The following CDH13 variants were observed in gnomAD, a reference collection of about 807,000 sequenced individuals.
The protein encoded by CDH13 is cadherin-13.
Under a neutral mutation model 63.8 loss-of-function variants are expected in CDH13, and 24 were observed. The ratio of observed to expected loss-of-function variants is 0.38; its 90% CI spans 0.27 to 0.53. The LOEUF (loss-of-function observed/expected upper bound fraction) is 0.53. Ranked by LOEUF, CDH13 falls within the 20% of genes least tolerant of loss-of-function variation. CDH13 has a pLI of 0.85. For synonymous variants in CDH13, 503 were observed against 355.3 expected, an observed-to-expected ratio of 1.42 and a Z score of -4.67; for missense variants, 1,049 against 903.1, an observed-to-expected ratio of 1.16 and a Z score of -2.07.
At chr16:82,691,305 C>T (rs907729252) in intron 1 of CDH13, among the ~76,000 whole-genome samples, 1 of 152,166 alleles carries the variant, frequency 6.6e-6, no homozygotes, top group African/African-American at 2.4e-5. Context: ...CCAGCATCTT[C>T]CTGCTTTGGG....
intron 4 of CDH13, among the ~76,000 whole-genome samples, chr16:83,151,263 G>C (rs1293234666): frequency 6.6e-6 from 1 of 152,176 alleles, no homozygotes; most frequent in Non-Finnish European, 1.5e-5. Context: ...ACATGTGTGA[G>C]ACTAACTGCA....
chr16:83,773,574 T>A (rs1914903577), intron 11 of CDH13, among the ~76,000 whole-genome samples: 1 of 152,132 alleles, frequency 6.6e-6, no homozygotes, highest in Non-Finnish European at 1.5e-5. Context: ...CATGATCCAA[T>A]CATCTCCCTC....
At chr16:83,027,186 A>G (rs1372020597) in intron 2 of CDH13, among the ~76,000 whole-genome samples, 1 of 138,614 alleles carries the variant, frequency 7.2e-6, no homozygotes, top group African/African-American at 2.6e-5. Flanking sequence ...AGCAAAGTGG[A>G]ATTATTACTG....
chr16:82,842,653 G>A (rs1325874860), intron 1 of CDH13, among the ~76,000 whole-genome samples: 1 of 152,056 alleles, frequency 6.6e-6, no homozygotes, highest in Admixed American at 6.5e-5. Context: ...AGGGACATGG[G>A]GGAGGGGAGG....
intron 1 of CDH13, among the ~76,000 whole-genome samples, chr16:82,728,803 A>G (rs562103381): frequency 5.0e-4 from 76 of 152,298 alleles, no homozygotes; most frequent in Middle Eastern, 3.4e-3. Context: ...ATGCTGTTTG[A>G]TAGCATTTTA....
intron 8 of CDH13, among the ~76,000 whole-genome samples, chr16:83,666,729 T>C (rs1051476347): frequency 6.6e-6 from 1 of 152,154 alleles, no homozygotes; most frequent in Non-Finnish European, 1.5e-5. Context: ...TCTCACCCCC[T>C]TCACCTCTCT....
At chr16:83,279,310 T>C (rs2089089766) in intron 5 of CDH13, among the ~76,000 whole-genome samples, 1 of 152,174 alleles carries the variant, frequency 6.6e-6, no homozygotes, top group African/African-American at 2.4e-5. Context: ...GATTTGTTAG[T>C]AGAGATTTAC....
intron 2 of CDH13, among the ~76,000 whole-genome samples, chr16:83,014,351 T>A (rs927512909): frequency 3.4e-5 from 5 of 146,606 alleles, no homozygotes; most frequent in Admixed American, 6.8e-5. Flanking sequence ...AAACTTAGCA[T>A]CTAACTAAAT....
intron 6 of CDH13, among the ~76,000 whole-genome samples, chr16:83,368,769 T>C (rs929384308): frequency 6.6e-6 from 1 of 151,026 alleles, no homozygotes; most frequent in African/African-American, 2.4e-5. Flanking sequence ...ATATATGACA[T>C]TCGATTTTCC....
chr16:83,752,466 C>T (rs1913166289), intron 11 of CDH13, among the ~76,000 whole-genome samples: 1 of 152,166 alleles, frequency 6.6e-6, no homozygotes, highest in African/African-American at 2.4e-5. Flanking sequence ...ATTTTTCTAC[C>T]TTTAGTTTCT....
chr16:83,431,027 C>G (rs892613978), intron 6 of CDH13, among the ~76,000 whole-genome samples: 3 of 142,866 alleles, frequency 2.1e-5, no homozygotes, highest in Non-Finnish European at 4.5e-5. Flanking sequence ...TCCATGTGTT[C>G]TCATTGTTCA....
chr16:83,148,206 G>C (rs1236673391), intron 4 of CDH13, among the ~76,000 whole-genome samples: 1 of 152,202 alleles, frequency 6.6e-6, no homozygotes, highest in African/African-American at 2.4e-5. Flanking sequence ...CCAAAGTGCT[G>C]GGATTACAGA....
intron 2 of CDH13, among the ~76,000 whole-genome samples, chr16:83,008,137 G>T (rs982906004): frequency 2.6e-5 from 4 of 152,092 alleles, no homozygotes; most frequent in African/African-American, 9.7e-5. Context: ...GATACCTTAA[G>T]CTTACATTCT....
chr16:83,506,271 C>A (rs950748201), intron 7 of CDH13, among the ~76,000 whole-genome samples: 10 of 152,172 alleles, frequency 6.6e-5, no homozygotes, highest in Admixed American at 1.3e-4. Context: ...TTTGGAGCCA[C>A]TGATCTCTCT....
chr16:82,628,966 A>G (rs1907685183), intron 1 of CDH13, among the ~76,000 whole-genome samples: 2 of 152,352 alleles, frequency 1.3e-5, no homozygotes, highest in African/African-American at 4.8e-5. Flanking sequence ...AGGATGTCCT[A>G]TGCAATGCAT....
At chr16:83,700,190 CTTT>C (rs1204265053) in intron 10 of CDH13, among the ~76,000 whole-genome samples, 2 of 152,178 alleles carry the variant, frequency 1.3e-5, no homozygotes, top group African/African-American at 2.4e-5. Context: ...AGTATGCCCT[CTTT>C]TTTGTCTGGC....
At chr16:82,842,948 C>T (rs2039096392) in intron 1 of CDH13, among the ~76,000 whole-genome samples, 1 of 152,100 alleles carries the variant, frequency 6.6e-6, no homozygotes, top group African/African-American at 2.4e-5. Context: ...AGAGGTGGAG[C>T]TCAGGTGGTA....
chr16:83,532,838 C>A (rs1012318235), intron 7 of CDH13, among the ~76,000 whole-genome samples: 2 of 152,202 alleles, frequency 1.3e-5, no homozygotes, highest in South Asian at 4.1e-4. Context: ...GTGTTATGAG[C>A]CATGCGTTGT....
At chr16:83,734,024 T>C (rs989659583) in intron 10 of CDH13, among the ~76,000 whole-genome samples, 5 of 152,142 alleles carry the variant, frequency 3.3e-5, no homozygotes, top group African/African-American at 1.2e-4. Context: ...TTATTAGTGT[T>C]TAGTCACCAG....
Sources: gnomAD v4.1 joint callset for allele counts (sites outside exome capture counted in the v4.1 genomes callset) on GRCh38, gnomAD v4.1.1 for gene constraint, MANE v1.5 for transcripts, NCBI Gene and HGNC (gene_info 2026-07-23, HGNC 2026-07-21) for gene names.